PDLIM5: variants seen among roughly 807,000 people sequenced by gnomAD.
PDLIM5 encodes PDZ and LIM domain 5.
A neutral mutation model predicts 64.2 loss-of-function variants in PDLIM5; 34 were observed. The ratio of observed to expected loss-of-function variants is 0.53; its 90% CI spans 0.40 to 0.71. The LOEUF is 0.71. Ranked by LOEUF, PDLIM5 falls within the 30% of genes least tolerant of loss-of-function variation. The probability of loss-of-function intolerance (pLI) is 0.00; values close to 1 mark genes in which losing one functional copy is unlikely to be tolerated. For synonymous variants in PDLIM5, 253 were observed against 269.1 expected (o/e 0.94, Z 0.59); for missense variants, 683 against 733.6 (o/e 0.93, Z 0.80).
At chr4:94,591,277 G>A (rs1736654337) in intron 7 of PDLIM5, among the ~76,000 whole-genome samples, 1 of 152,158 alleles carries the variant, frequency 6.6e-6, no homozygotes, top group African/African-American at 2.4e-5. Context: ...TTCCAAAATA[G>A]GGATCATAGC....
At chr4:94,576,301 G>A (rs969767590) in intron 5 of PDLIM5, among the ~76,000 whole-genome samples, 2 of 152,150 alleles carry the variant, frequency 1.3e-5, no homozygotes, top group African/African-American at 2.4e-5. Context: ...TCCCGACACA[G>A]CATTGAGCAG....
At chr4:94,464,890 C>G (rs182714655) in intron 2 of PDLIM5, among the ~76,000 whole-genome samples, 67 of 152,314 alleles carry the variant, frequency 4.4e-4, no homozygotes, top group Non-Finnish European at 8.1e-4. Flanking sequence ...TATTCTCCTT[C>G]AGGCTGGTTC....
At chr4:94,571,532 G>A (rs1005441125) in intron 3 of PDLIM5, among the ~76,000 whole-genome samples, 3 of 152,154 alleles carry the variant, frequency 2.0e-5, no homozygotes, top group African/African-American at 7.2e-5. Flanking sequence ...CTCTCTGCTG[G>A]TTTGAAACTC....
At chr4:94,477,485 T>C (rs1005984272) in intron 2 of PDLIM5, among the ~76,000 whole-genome samples, 2 of 152,224 alleles carry the variant, frequency 1.3e-5, no homozygotes, top group African/African-American at 4.8e-5. Context: ...GAGAGATACT[T>C]CCTTTTTTGG....
rs115303433 is a variant in PDLIM5 at position 94,524,923 on chromosome 4, T to C, written c.248+1048T>C. 9.6e-3 allele frequency among the ~76,000 whole-genome samples: 1,455 copies of C among 152,238 alleles called. 20 individuals carry two copies. Among genetic ancestry groups the C allele is most frequent in the African/African-American group, 0.033 (1,384 of 41,524 alleles). On this transcript the variant is annotated intron_variant, in intron 3 of 12. Coordinates refer to ENST00000317968, the MANE Select transcript of PDLIM5 (RefSeq NM_006457.5). ...GAAGGGTAGCTGTGAACCTTCAGCT[T>C]TATAATGAAGGTAGCTTGATCATAT...
Position 94,636,517 on chromosome 4 carries a change from AAAG to A in PDLIM5, c.1109-3755_1109-3753del, listed in dbSNP as rs1383185445. Among the ~76,000 whole-genome samples the A allele has an allele frequency of 2.0e-5, 3 of 151,158 alleles. No homozygotes were observed. In the East Asian group the frequency reaches 5.8e-4, roughly 29 times the overall value. ...AAGGTAATTTTTTGGCTGTGGATAG[AAAG>A]AAGTATATAGAGTTCGTACTTTTTT... is the stretch of plus-strand genomic sequence containing the variant. On this transcript the variant is annotated intron_variant, in intron 8 of 12. Transcript: ENST00000317968.
chr4:94,532,827 C>T (rs534404072), intron 3 of PDLIM5, among the ~76,000 whole-genome samples: 1 of 152,098 alleles, frequency 6.6e-6, no homozygotes, highest in South Asian at 2.1e-4. Context: ...GGTGAAACCC[C>T]GTCTCTACTA....
At chr4:94,638,001 G>A (rs59252413) in intron 8 of PDLIM5, among the ~76,000 whole-genome samples, 12,860 of 152,178 alleles carry the variant, frequency 0.085, 609 homozygotes, top group Non-Finnish European at 0.11. Context: ...TAACCCTTGG[G>A]GACACAGGAG....
At chr4:94,589,850 C>T (rs910437053) in intron 7 of PDLIM5, among the ~76,000 whole-genome samples, 4 of 151,958 alleles carry the variant, frequency 2.6e-5, no homozygotes, top group African/African-American at 9.7e-5. Flanking sequence ...TATTGGCTTA[C>T]TGCAACCTCC....
intron 7 of PDLIM5, among the ~76,000 whole-genome samples, chr4:94,607,044 G>C (rs1396144302): frequency 6.6e-6 from 1 of 152,088 alleles, no homozygotes; most frequent in Non-Finnish European, 1.5e-5. Context: ...CCCATGTTAT[G>C]GTTCTTATAT....
chr4:94,520,240 A>C (rs1729714986), intron 2 of PDLIM5, among the ~76,000 whole-genome samples: 3 of 152,170 alleles, frequency 2.0e-5, no homozygotes, highest in African/African-American at 7.2e-5. Context: ...AGTACTGAAA[A>C]ATGCATTTAA....
intron 9 of PDLIM5, among the ~76,000 whole-genome samples, 198 bp from the exon 10 acceptor site, chr4:94,654,262 A>C (rs572090296): frequency 3.3e-5 from 5 of 152,292 alleles, no homozygotes; most frequent in Admixed American, 6.5e-5. Flanking sequence ...CCTTAAGTGC[A>C]CGTCTCCCGT....
chr4:94,481,902 G>T (rs1297639508), intron 2 of PDLIM5, among the ~76,000 whole-genome samples: 1 of 151,750 alleles, frequency 6.6e-6, no homozygotes, highest in Non-Finnish European at 1.5e-5. Flanking sequence ...AGCCACCGTG[G>T]CCCATTATTC....
intron 3 of PDLIM5, among the ~76,000 whole-genome samples, chr4:94,544,878 A>G (rs535217727): frequency 3.3e-5 from 5 of 152,340 alleles, no homozygotes; most frequent in Admixed American, 6.5e-5. Context: ...AAGTATGTGC[A>G]TGAGATTTAT....
intron 3 of PDLIM5, among the ~76,000 whole-genome samples, chr4:94,546,568 T>G (rs1362409100): frequency 1.3e-5 from 2 of 152,160 alleles, no homozygotes; most frequent in Non-Finnish European, 2.9e-5. Flanking sequence ...TAGGGAAATA[T>G]TTTAATGTGG....
chr4:94,664,493 AAAAAAAACT>A lies in PDLIM5; in HGVS notation c.*429_*437del. The A allele has an allele frequency of 1.5e-6, 1 of 657,834 alleles. No homozygotes were observed. The highest frequency in any genetic ancestry group is 1.8e-6 in the Non-Finnish European group (1 of 561,186). The allele number at this position is 657,834 out of a possible 1,614,324, so 40.7% of individuals were successfully genotyped here. On this transcript the variant is annotated 3_prime_UTR_variant, in exon 13 of 13. Transcript: ENST00000317968. ...ATCAATAACAGAATTATTGTATTTAAAAAAAAACTAATACTTATCTTTAAAATAGTAAAT... is the reference window on the plus strand; with the variant it reads ...ATCAATAACAGAATTATTGTATTTAAAATACTTATCTTTAAAATAGTAAAT...
chr4:94,629,320 C>G (rs541593761), intron 8 of PDLIM5, among the ~76,000 whole-genome samples: 2 of 150,546 alleles, frequency 1.3e-5, no homozygotes, highest in Non-Finnish European at 3.0e-5. Flanking sequence ...CTGCACTGTG[C>G]GAGACTCAGT....
chr4:94,626,638 T>C (rs527942847), intron 8 of PDLIM5, among the ~76,000 whole-genome samples: 2 of 152,360 alleles, frequency 1.3e-5, no homozygotes, highest in East Asian at 3.9e-4. Flanking sequence ...TTTTGAAATT[T>C]AGATCATTTG....
At chr4:94,660,229 C>G (rs1742575551) in intron 11 of PDLIM5, among the ~76,000 whole-genome samples, 2 of 152,100 alleles carry the variant, frequency 1.3e-5, no homozygotes, top group African/African-American at 4.8e-5. Context: ...GTTTTGCCAT[C>G]CTTATCTCCT....
Sources: allele counts gnomAD v4.1 joint callset (sites outside exome capture counted in the v4.1 genomes callset), GRCh38; gene constraint gnomAD v4.1.1; transcripts MANE v1.5; gene names NCBI Gene and HGNC (gene_info 2026-07-23, HGNC 2026-07-21).